FRMD3: variants seen among roughly 807,000 people sequenced by gnomAD.
FRMD3 encodes the protein FERM domain-containing protein 3.
In FRMD3, 33 loss-of-function variants were observed where a neutral mutation model predicts 70.2. That is an observed-to-expected ratio of 0.47 (90% CI 0.36 to 0.63). FRMD3 has a LOEUF of 0.63. Ranked by LOEUF, FRMD3 falls within the 20% of genes least tolerant of loss-of-function variation. The pLI, the probability that FRMD3 is intolerant of heterozygous loss-of-function variation, is 0.00. For missense variants in FRMD3, 632 were observed against 711.4 expected (o/e 0.89, Z 1.27); for synonymous variants, 279 against 255.9 (o/e 1.09, Z -0.86).
At chr9:83,310,057 T>C (rs1308824306) in intron 9 of FRMD3, among the ~76,000 whole-genome samples, 1 of 152,252 alleles carries the variant, frequency 6.6e-6, no homozygotes, top group Non-Finnish European at 1.5e-5. Flanking sequence ...CCCTGGTGAA[T>C]CCACAATCTA....
chr9:83,451,162 T>C (rs1399159597), intron 1 of FRMD3, among the ~76,000 whole-genome samples: 3 of 152,258 alleles, frequency 2.0e-5, no homozygotes, highest in South Asian at 2.1e-4. Flanking sequence ...TGAAGGGAAA[T>C]ATGCTACTTC....
chr9:83,266,326 A>G (rs1438053847), intron 13 of FRMD3, among the ~76,000 whole-genome samples: 1 of 152,220 alleles, frequency 6.6e-6, no homozygotes, highest in Non-Finnish European at 1.5e-5. Context: ...ACACATGTGC[A>G]TGAGATATAG....
chr9:83,345,067 C>T (rs1823909665), intron 4 of FRMD3, among the ~76,000 whole-genome samples: 1 of 152,110 alleles, frequency 6.6e-6, no homozygotes, highest in African/African-American at 2.4e-5. Context: ...TGTTTCTGAG[C>T]CATTGGTTCA....
intron 1 of FRMD3, among the ~76,000 whole-genome samples, chr9:83,403,978 G>A (rs1486688693): frequency 1.3e-5 from 2 of 151,930 alleles, no homozygotes; most frequent in African/African-American, 2.4e-5. Context: ...GTTCCCAGTA[G>A]TCAGGCAATT....
the FRMD3 span, among the ~76,000 whole-genome samples, chr9:83,564,122 A>G: frequency 1.3e-5 from 2 of 152,196 alleles, no homozygotes; most frequent in Non-Finnish European, 2.9e-5. Flanking sequence ...CTCTAGGCCA[A>G]TCCTCAAGCA....
chr9:83,509,908 A>T (rs564714365), intron 1 of FRMD3, among the ~76,000 whole-genome samples: 3 of 152,218 alleles, frequency 2.0e-5, no homozygotes, highest in Non-Finnish European at 4.4e-5. Flanking sequence ...CTTAAAAAAA[A>T]TAAGCTCGTG....
intron 13 of FRMD3, among the ~76,000 whole-genome samples, chr9:83,265,602 T>C (rs1587646413): frequency 1.3e-5 from 2 of 152,294 alleles, no homozygotes; most frequent in South Asian, 2.1e-4. Context: ...TAGGCAGTTC[T>C]GCAAAGAAGA....
At chr9:83,521,995 A>G (rs1829581408) in intron 1 of FRMD3, among the ~76,000 whole-genome samples, 1 of 152,168 alleles carries the variant, frequency 6.6e-6, no homozygotes, top group Non-Finnish European at 1.5e-5. Context: ...AGGGCCCCTC[A>G]GTGGCTGCTC....
the FRMD3 span, among the ~76,000 whole-genome samples, chr9:83,568,333 C>G: frequency 2.0e-5 from 3 of 152,114 alleles, no homozygotes; most frequent in African/African-American, 7.2e-5. Context: ...GGGACACAGA[C>G]AAACCATTTC....
chr9:83,453,471 T>C (rs10123326), intron 1 of FRMD3, among the ~76,000 whole-genome samples: 41,221 of 152,046 alleles, frequency 0.27, 7,503 homozygotes, highest in African/African-American at 0.52. Context: ...ATACGGGATA[T>C]GTTAACCTAC....
At chr9:83,280,905 A>G (rs1243559659) in intron 13 of FRMD3, among the ~76,000 whole-genome samples, 1 of 152,156 alleles carries the variant, frequency 6.6e-6, no homozygotes, top group East Asian at 1.9e-4. Flanking sequence ...CCAAACCAGG[A>G]AGGAGACTGC....
chr9:83,432,169 C>T (rs949257299), intron 1 of FRMD3, among the ~76,000 whole-genome samples: 13 of 152,306 alleles, frequency 8.5e-5, no homozygotes, highest in East Asian at 7.7e-4. Flanking sequence ...TCCCCACATC[C>T]GGCCCTCTGG....
chr9:83,397,802 T>G (rs960885428), intron 1 of FRMD3, among the ~76,000 whole-genome samples: 1 of 152,154 alleles, frequency 6.6e-6, no homozygotes, highest in Admixed American at 6.5e-5. Context: ...GTGATTCTTC[T>G]ACCTGGAAGG....
At chr9:83,359,411 A>C (rs1288761728) in intron 3 of FRMD3, among the ~76,000 whole-genome samples, 2 of 152,168 alleles carry the variant, frequency 1.3e-5, no homozygotes, top group Non-Finnish European at 2.9e-5. Flanking sequence ...GCTGCGTCCA[A>C]ACTTAAAACT....
At chr9:83,340,181 A>G (rs1823709861) in intron 5 of FRMD3, among the ~76,000 whole-genome samples, 2 of 152,162 alleles carry the variant, frequency 1.3e-5, no homozygotes, top group African/African-American at 2.4e-5. Flanking sequence ...CTACAAAAAA[A>G]TACAAAACCT....
At chr9:83,560,363 A>T in the FRMD3 span, among the ~76,000 whole-genome samples, 3 of 152,298 alleles carry the variant, frequency 2.0e-5, no homozygotes, top group South Asian at 6.2e-4. Context: ...CACTTCTATT[A>T]TAAGAAGAAC....
chr9:83,261,366 C>T (rs1832984405), intron 13 of FRMD3, among the ~76,000 whole-genome samples: 1 of 152,134 alleles, frequency 6.6e-6, no homozygotes, highest in African/African-American at 2.4e-5. Flanking sequence ...TGCTGACCAT[C>T]TTGACACCAT....
chr9:83,369,396 C>T (rs563836976), intron 3 of FRMD3, among the ~76,000 whole-genome samples: 4 of 151,814 alleles, frequency 2.6e-5, no homozygotes, highest in African/African-American at 9.7e-5. Flanking sequence ...GCCAATATGG[C>T]AAAACCCTGT....
the FRMD3 span, among the ~76,000 whole-genome samples, chr9:83,544,104 A>C: frequency 3.4e-3 from 512 of 152,294 alleles, 3 homozygotes; most frequent in African/African-American, 0.011. Context: ...GTGAGCCATA[A>C]AGCTGTCTAT....
Sources: gnomAD v4.1 joint callset for allele counts (sites outside exome capture counted in the v4.1 genomes callset) on GRCh38, gnomAD v4.1.1 for gene constraint, MANE v1.5 for transcripts, NCBI Gene and HGNC (gene_info 2026-07-23, HGNC 2026-07-21) for gene names.